The following TPR variants were observed in gnomAD, a reference collection of about 807,000 sequenced individuals.
TPR encodes the protein nucleoprotein TPR.
TPR carries 51 observed loss-of-function variants against 316.1 expected under a neutral mutation model. The observed-to-expected ratio is 0.16, with a 90% confidence interval of 0.13 to 0.20. The LOEUF (loss-of-function observed/expected upper bound fraction) is 0.20. TPR is among the 10% of genes least tolerant of loss of function. TPR has a pLI of 1.00. For missense variants in TPR, 2,272 were observed against 2,754.8 expected, an observed-to-expected ratio of 0.82 and a Z score of 3.92; for synonymous variants, 981 against 914.7, an observed-to-expected ratio of 1.07 and a Z score of -1.31.
chr1:186,364,151 T>C (rs1659268871), intron 4 of TPR, among the ~76,000 whole-genome samples: 2 of 152,178 alleles, frequency 1.3e-5, no homozygotes, highest in South Asian at 4.1e-4. Context: ...CTTTTGAAGT[T>C]TTTGCATATT....
intron 48 of TPR, 145 bp from the exon 49 acceptor site, chr1:186,317,745 T>C (rs370034405): frequency 5.7e-6 from 4 of 704,230 alleles, no homozygotes; most frequent in African/African-American, 5.4e-5. Context: ...TTACCATATA[T>C]ATTTTTCAAA....
intron 4 of TPR, 136 bp downstream of exon 4, chr1:186,367,750 T>C: frequency 1.9e-6 from 1 of 534,700 alleles, no homozygotes; most frequent in Admixed American, 3.2e-5. Context: ...GTAGGAGAAA[T>C]AATAGGATAT....
At chr1:186,331,625 G>C (rs768619274) in intron 38 of TPR, 44 bp from the exon 39 acceptor site, 1 of 1,296,286 alleles carries the variant, frequency 7.7e-7, no homozygotes, top group Non-Finnish European at 1.1e-6. Flanking sequence ...CAGTGTAGTA[G>C]ATGAAGGGTT....
rs1291466728 is a variant in TPR at position 186,323,679 on chromosome 1, T to G, written c.6297+7A>C. ...TCATTTTTCATAATGACCAGTACTT[T>G]TAATACCTGAACTGGTGGTCCCAAC... On this transcript the variant is annotated splice_region_variant and intron_variant, in intron 43 of 50. Transcript: ENST00000367478. 1.4e-6 allele frequency: 2 copies of G among 1,478,656 alleles called. No individual in the cohort carries two copies. The highest frequency in any genetic ancestry group is 1.8e-6 in the Non-Finnish European group (2 of 1,121,976). The allele number at this position is 1,478,656 out of a possible 1,614,324, so 91.6% of individuals were successfully genotyped here.
At chr1:186,333,689 T>G (rs902513239) in intron 36 of TPR, among the ~76,000 whole-genome samples, 6 of 152,174 alleles carry the variant, frequency 3.9e-5, no homozygotes, top group African/African-American at 1.2e-4. Context: ...AAAATTAGAA[T>G]TTTTCATTAA....
chr1:186,367,992 A>G lies in TPR; in HGVS notation c.331-10T>C, dbSNP rs1659397475. On this transcript the variant is annotated splice_polypyrimidine_tract_variant and intron_variant, in intron 3 of 50. Coordinates refer to ENST00000367478, the MANE Select transcript of TPR (RefSeq NM_003292.3). Reference sequence around the variant, plus strand: ...TTCTTGTAAATTGGCTCTGTCATATAAAGAAGTAATAAGTAAGAAAATCAA... The same window carrying G: ...TTCTTGTAAATTGGCTCTGTCATATGAAGAAGTAATAAGTAAGAAAATCAA... 1 of 1,596,240 alleles carries G rather than the reference A, an allele frequency of 6.3e-7. No individual in the cohort carries two copies. Among genetic ancestry groups the G allele is most frequent in the Non-Finnish European group, 8.6e-7 (1 of 1,169,018 alleles).
intron 32 of TPR, 129 bp downstream of exon 32, chr1:186,336,884 G>C: frequency 1.2e-5 from 17 of 1,429,008 alleles, no homozygotes; most frequent in Non-Finnish European, 1.4e-5. Flanking sequence ...ACATACATGA[G>C]CCATTCAAAG....
At position 186,353,710 on chromosome 1, in the gene TPR, T is replaced by C. The variant is rs752340570; in HGVS notation, c.2312A>G (p.Asn771Ser). ...CACTTCTGCGACAGCTAGCTTCTCA[T>C]TTGCTCCTCTCAAATCTTGAGTCAT... ...NTMTQDLRGA[N>S]EKLAVAEVRA... Residue 771 changes from asparagine to serine, a missense_variant, in exon 18 of 51, where the codon AAT becomes AGT. Asn to Ser is a conservative substitution (Grantham distance 46). Around this residue, in one of 10 missense-constraint regions of TPR, gnomAD observed 757 missense variants for 859.8 expected, o/e 0.88. Coordinates refer to ENST00000367478, the MANE Select transcript of TPR (RefSeq NM_003292.3). The C allele has an allele frequency of 6.2e-7, 1 of 1,614,038 alleles. No homozygotes were observed. The highest frequency in any genetic ancestry group is 8.5e-7 in the Non-Finnish European group (1 of 1,179,992).
chr1:186,320,210 A>T (rs1657739432), intron 46 of TPR, 102 bp downstream of exon 46: 7 of 989,812 alleles, frequency 7.1e-6, no homozygotes, highest in East Asian at 5.7e-5. Flanking sequence ...TATCAATTTT[A>T]AAAATATTCA....
chr1:186,337,271 T>C (rs1474419301), intron 31 of TPR, 115 bp from the exon 32 acceptor site: 5 of 1,281,686 alleles, frequency 3.9e-6, no homozygotes, highest in Non-Finnish European at 5.2e-6. Context: ...TCCCTGAAGG[T>C]ATTCAAAACA....
chr1:186,344,118 C>T (rs1055207466), intron 25 of TPR, 28 bp from the exon 26 acceptor site: 37 of 1,586,242 alleles, frequency 2.3e-5, no homozygotes, highest in Non-Finnish European at 3.0e-5. Flanking sequence ...ATCAGAATAA[C>T]AGATTTTCCA....
At chr1:186,362,718 C>T in intron 6 of TPR, 119 bp downstream of exon 6, 2 of 903,268 alleles carry the variant, frequency 2.2e-6, no homozygotes, top group Non-Finnish European at 3.2e-6. Context: ...GCATTATTCA[C>T]ATTTAACCAC....
chr1:186,363,406 T>G lies in TPR; in HGVS notation c.467A>C (p.Asn156Thr). 1.9e-6 allele frequency: 3 copies of G among 1,612,694 alleles called. No individual in the cohort carries two copies. Among genetic ancestry groups the G allele is most frequent in the Non-Finnish European group, 2.5e-6 (3 of 1,179,094 alleles). ...TAACTGAAGTTCACCCTTTGTTGTA[T>G]TGCTTTCTTTAAGTTTTTCATTCAG... ...KRLNEKLKES[N>T]TTKGELQLKL... The change falls in exon 5 of 51, where the codon AAT becomes ACT. Residue 156 changes from asparagine to threonine, a missense_variant. Asn to Thr is a moderately conservative substitution (Grantham distance 65). This residue lies in a region of TPR where 549 missense variants were observed against 598.6 expected (regional missense o/e 0.92). Transcript: ENST00000367478.
rs376894363 is a variant in TPR, at chr1:186,362,425, T to A, written c.697-45A>T. On this transcript the variant is annotated intron_variant, in intron 6 of 50. Transcript: ENST00000367478. Reference sequence around the variant, plus strand: ...CAGGGGGAAAGGATGTCATATTAACTGAAATTACTCTGACATGAGGTTTAT... The same window carrying A: ...CAGGGGGAAAGGATGTCATATTAACAGAAATTACTCTGACATGAGGTTTAT... 8.2e-6 allele frequency: 12 copies of A among 1,462,106 alleles called. No individual in the cohort carries two copies. In the African/African-American group the frequency reaches 1.5e-4, roughly 19 times the overall value. 90.6% of individuals were successfully genotyped at this position (1,462,106 alleles called of 1,614,324 possible).
At chr1:186,347,833 AT>A (rs1658727991) in intron 21 of TPR, among the ~76,000 whole-genome samples, 1 of 152,230 alleles carries the variant, frequency 6.6e-6, no homozygotes, top group Non-Finnish European at 1.5e-5. Flanking sequence ...GCAGAGGAAC[AT>A]AAATTGTGAC....
Position 186,334,376 on chromosome 1 carries a change from T to C in TPR, c.5131A>G (p.Thr1711Ala). The C allele has an allele frequency of 1.2e-6, 2 of 1,613,548 alleles. No homozygotes were observed. The highest frequency in any genetic ancestry group is 1.3e-5 in the African/African-American group (1 of 74,996). ...VTPATVTNPT[T>A]TPTATVMPTT... Reference sequence around the variant, plus strand: ...GGCATCACTGTAGCTGTTGGGGTAGTAGTGGGATTTGTAACAGTTGCAGGT... The same window carrying C: ...GGCATCACTGTAGCTGTTGGGGTAGCAGTGGGATTTGTAACAGTTGCAGGT... The change falls in exon 36 of 51, where the codon ACT (threonine) becomes GCT (alanine). Residue 1711 changes from threonine (T) to alanine (A), a missense_variant. Thr to Ala is a moderately conservative substitution (Grantham distance 58, BLOSUM62 0). Coordinates refer to ENST00000367478, the MANE Select transcript of TPR (RefSeq NM_003292.3).
chr1:186,367,531 A>T (rs1468021322), intron 4 of TPR, among the ~76,000 whole-genome samples: 2 of 152,250 alleles, frequency 1.3e-5, no homozygotes, highest in East Asian at 3.8e-4. Context: ...TGCTTATTAT[A>T]TAGCAAGGAT....
At chr1:186,323,961 A>C in intron 42 of TPR, 91 bp from the exon 43 acceptor site, 1 of 1,298,066 alleles carries the variant, frequency 7.7e-7, no homozygotes. Context: ...TGCCAACAGG[A>C]ATGTTCACCG....
At position 186,336,945 on chromosome 1, in the gene TPR, A is replaced by G. The variant is rs1558004961; in HGVS notation, c.4506+68T>C. The G allele has an allele frequency of 1.1e-5, 18 of 1,593,116 alleles. No homozygotes were observed. The South Asian group carries it at 2.0e-4, about 18-fold the overall frequency. ...CCACATGGTAAGACAAAGTGTCAGT[A>G]GTTAACACATATTTCTTTAGGTGTA... On this transcript the variant is annotated intron_variant, in intron 32 of 50. Transcript: ENST00000367478.
Sources: gnomAD v4.1 joint callset for allele counts (sites outside exome capture counted in the v4.1 genomes callset) on GRCh38, gnomAD v4.1.1 for gene constraint, gnomAD v4.1.1 regional missense constraint, MANE v1.5 for transcripts, NCBI Gene and HGNC (gene_info 2026-07-23, HGNC 2026-07-21) for gene names.